Variants in ASZ1 observed in about 807,000 individuals in gnomAD.
ASZ1 encodes the protein ankyrin repeat, SAM and basic leucine zipper domain containing 1.
A neutral mutation model predicts 61.8 loss-of-function variants in ASZ1; 67 were observed. The ratio of observed to expected loss-of-function variants is 1.08; its 90% confidence interval spans 0.89 to 1.33. ASZ1 has a LOEUF of 1.33. ASZ1 is among the 40% of genes most tolerant of loss of function. The pLI, the probability that ASZ1 is intolerant of heterozygous loss-of-function variation, is 0.00. For missense variants in ASZ1, 577 were observed against 554.5 expected (o/e 1.04, Z -0.41); for synonymous variants, 193 against 192.7 (o/e 1.00, Z -0.01).
At chr7:117,400,282 G>A (rs1172471917) in intron 4 of ASZ1, among the ~76,000 whole-genome samples, 1 of 152,158 alleles carries the variant, frequency 6.6e-6, no homozygotes, top group Non-Finnish European at 1.5e-5. Context: ...TATCAGAAAA[G>A]TTTTGTTAGA....
chr7:117,417,590 C>T (rs1797020163), intron 4 of ASZ1, among the ~76,000 whole-genome samples: 1 of 152,160 alleles, frequency 6.6e-6, no homozygotes, highest in Non-Finnish European at 1.5e-5. Context: ...TTCACATTGA[C>T]AGCACGCTAT....
chr7:117,369,710 TCA>T (rs1344339964), intron 10 of ASZ1, among the ~76,000 whole-genome samples: 1 of 152,198 alleles, frequency 6.6e-6, no homozygotes, highest in African/African-American at 2.4e-5. Context: ...ACGATGATTC[TCA>T]GTTTTTTTGG....
intron 7 of ASZ1, 122 bp from the exon 8 acceptor site, chr7:117,382,266 C>A: frequency 3.0e-6 from 2 of 659,956 alleles, no homozygotes; most frequent in Admixed American, 2.7e-5. Context: ...TATTTGCAAT[C>A]TGCACACCAG....
At chr7:117,380,878 T>C (rs1796236547) in intron 9 of ASZ1, 133 bp downstream of exon 9, 4 of 764,936 alleles carry the variant, frequency 5.2e-6, no homozygotes, top group Non-Finnish European at 8.7e-6. Flanking sequence ...TCCATAATCA[T>C]ATCTAATCAA....
chr7:117,412,015 A>G (rs78256466), intron 4 of ASZ1, among the ~76,000 whole-genome samples: 7 of 151,082 alleles, frequency 4.6e-5, no homozygotes, highest in Non-Finnish European at 1.0e-4. Flanking sequence ...ACTGACAAGG[A>G]AAGATCCCAA....
chr7:117,401,237 G>C (rs573445758), intron 4 of ASZ1, among the ~76,000 whole-genome samples: 1 of 152,220 alleles, frequency 6.6e-6, no homozygotes, highest in Admixed American at 6.5e-5. Flanking sequence ...TTGGAGAGGA[G>C]AGAGAATGAA....
intron 4 of ASZ1, among the ~76,000 whole-genome samples, chr7:117,397,634 C>T (rs1035098933): frequency 6.6e-6 from 1 of 152,144 alleles, no homozygotes; most frequent in Non-Finnish European, 1.5e-5. Context: ...AAGGCCAATT[C>T]GTGCTAATTT....
chr7:117,388,851 T>A (rs1229051330), intron 4 of ASZ1, among the ~76,000 whole-genome samples: 1 of 152,134 alleles, frequency 6.6e-6, no homozygotes, highest in Non-Finnish European at 1.5e-5. Context: ...AAATTGTCTT[T>A]ATTCACAGAC....
intron 1 of ASZ1, 129 bp from the exon 2 acceptor site, chr7:117,427,064 T>C: frequency 9.4e-7 from 1 of 1,059,112 alleles, no homozygotes; most frequent in East Asian, 2.6e-5. Flanking sequence ...AGATACAAAG[T>C]TTGAAAAGAA....
intron 10 of ASZ1, among the ~76,000 whole-genome samples, chr7:117,374,963 A>G (rs1394187166): frequency 1.3e-5 from 2 of 152,102 alleles, no homozygotes; most frequent in Admixed American, 1.3e-4. Flanking sequence ...GTAAAATGTA[A>G]TTAACCGGAC....
chr7:117,390,333 C>G (rs1401565168), intron 4 of ASZ1, among the ~76,000 whole-genome samples: 1 of 152,068 alleles, frequency 6.6e-6, no homozygotes, highest in Non-Finnish European at 1.5e-5. Context: ...CCACACCTGA[C>G]TAAATTTTTT....
chr7:117,395,212 T>A (rs1019988252), intron 4 of ASZ1, among the ~76,000 whole-genome samples: 13 of 151,948 alleles, frequency 8.6e-5, no homozygotes, highest in Middle Eastern at 3.4e-3. Context: ...CAGAGATAAC[T>A]TTTTTCTTTC....
intron 4 of ASZ1, among the ~76,000 whole-genome samples, chr7:117,397,210 C>CT (rs1796592342): frequency 6.6e-6 from 1 of 150,504 alleles, no homozygotes; most frequent in Non-Finnish European, 1.5e-5. Flanking sequence ...ACTCTGTCTC[C>CT]GAACTGAACC....
At chr7:117,380,960 A>G (rs778060086) in intron 9 of ASZ1, 51 bp downstream of exon 9, 1 of 1,470,872 alleles carries the variant, frequency 6.8e-7, no homozygotes, top group Admixed American at 2.0e-5. Context: ...AGGATCCACA[A>G]TTTTAAAAAC....
chr7:117,401,087 T>C (rs1225164932), intron 4 of ASZ1, among the ~76,000 whole-genome samples: 1 of 152,136 alleles, frequency 6.6e-6, no homozygotes, highest in East Asian at 1.9e-4. Context: ...ATGGGTTTAA[T>C]AGTGGATTAG....
At chr7:117,388,562 T>C (rs1429902329) in intron 4 of ASZ1, among the ~76,000 whole-genome samples, 1 of 151,904 alleles carries the variant, frequency 6.6e-6, no homozygotes, top group Non-Finnish European at 1.5e-5. Context: ...CCTCAACAAA[T>C]GCAGAACAAG....
intron 5 of ASZ1, 31 bp from the exon 6 acceptor site, chr7:117,384,891 A>C (rs779724236): frequency 6.5e-6 from 10 of 1,538,140 alleles, no homozygotes; most frequent in Non-Finnish European, 8.7e-6. Flanking sequence ...AGATTGTTTA[A>C]AGAGAAGGAG....
chr7:117,418,663 A>G (rs1021424451), intron 4 of ASZ1, among the ~76,000 whole-genome samples: 1 of 151,736 alleles, frequency 6.6e-6, no homozygotes, highest in African/African-American at 2.4e-5. Context: ...AAAAAAAAAA[A>G]AAAATGTTTG....
chr7:117,384,978 A>T (rs1238729603), intron 5 of ASZ1, 118 bp from the exon 6 acceptor site: 15 of 899,496 alleles, frequency 1.7e-5, no homozygotes, highest in Non-Finnish European at 2.4e-5. Flanking sequence ...TAATTAATGG[A>T]ATGATGCAAT....
Sources: allele counts gnomAD v4.1 joint callset (sites outside exome capture counted in the v4.1 genomes callset), GRCh38; gene constraint gnomAD v4.1.1; transcripts MANE v1.5; gene names NCBI Gene and HGNC (gene_info 2026-07-23, HGNC 2026-07-21).